The following VAV3 variants were observed in gnomAD, a reference collection of about 807,000 sequenced individuals.
VAV3 encodes vav guanine nucleotide exchange factor 3, also known as guanine nucleotide exchange factor VAV3.
VAV3 carries 94 observed loss-of-function variants against 131.2 expected under a neutral mutation model. The observed-to-expected ratio is 0.72, with a 90% confidence interval of 0.61 to 0.85. VAV3 has a LOEUF of 0.85. Ranked by LOEUF, VAV3 falls within the 40% of genes least tolerant of loss-of-function variation. The pLI, the probability that VAV3 is intolerant of heterozygous loss-of-function variation, is 0.00. For synonymous variants in VAV3, 349 were observed against 342.0 expected (o/e 1.02, Z -0.22); for missense variants, 939 against 1,002.7 (o/e 0.94, Z 0.86).
chr1:107,845,654 C>T (rs536321295), intron 2 of VAV3, among the ~76,000 whole-genome samples: 2 of 152,070 alleles, frequency 1.3e-5, no homozygotes, highest in South Asian at 2.1e-4. Context: ...ATGAAGCATA[C>T]ACAAGTATCA....
At chr1:107,872,585 T>C (rs573668250) in intron 2 of VAV3, among the ~76,000 whole-genome samples, 4 of 152,310 alleles carry the variant, frequency 2.6e-5, no homozygotes, top group African/African-American at 9.6e-5. Context: ...ACTACAAGAA[T>C]TATTTCAGTT....
chr1:107,901,666 T>C lies in VAV3; in HGVS notation c.205-26649A>G, dbSNP rs552263133. On this transcript the variant is annotated intron_variant, in intron 1 of 26. Transcript: ENST00000370056. ...AAAATAAAAATATTTTTCCTTTCAA[T>C]GTACTTGTATTATTTTCTTTCAACC... 3.2e-4 allele frequency among the ~76,000 whole-genome samples: 49 copies of C among 152,322 alleles called. No homozygotes were observed. The South Asian group carries it at 0.01, about 32-fold the overall frequency.
intron 25 of VAV3, chr1:107,576,305 C>T (rs916619562): frequency 1.4e-5 from 15 of 1,101,130 alleles, no homozygotes; most frequent in Admixed American, 9.4e-5. Context: ...GAGATGTATC[C>T]GTATGAGAAG....
intron 25 of VAV3, among the ~76,000 whole-genome samples, chr1:107,594,574 T>C (rs1331566995): frequency 6.6e-6 from 1 of 152,104 alleles, no homozygotes. Context: ...TTCAAAGACA[T>C]TCTACTGGCT....
At chr1:107,779,058 G>C (rs1171899349) in intron 3 of VAV3, among the ~76,000 whole-genome samples, 1 of 151,444 alleles carries the variant, frequency 6.6e-6, no homozygotes, top group Non-Finnish European at 1.5e-5. Flanking sequence ...GAGTTATTAT[G>C]ATCTACTCTA....
At chr1:107,931,788 T>C (rs370319539) in intron 1 of VAV3, among the ~76,000 whole-genome samples, 1 of 152,168 alleles carries the variant, frequency 6.6e-6, no homozygotes, top group Admixed American at 6.5e-5. Flanking sequence ...AGCATTACAC[T>C]ATGGAAGCAG....
intron 22 of VAV3, among the ~76,000 whole-genome samples, chr1:107,609,002 G>T (rs1162250489): frequency 6.6e-6 from 1 of 152,030 alleles, no homozygotes. Flanking sequence ...CTGCATTTTG[G>T]GGGCAGTATA....
chr1:107,681,845 A>G (rs952431331), intron 19 of VAV3, among the ~76,000 whole-genome samples: 17 of 151,886 alleles, frequency 1.1e-4, no homozygotes, highest in South Asian at 4.2e-4. Context: ...TATTTTTAGT[A>G]GAGATGGGGT....
chr1:107,750,590 T>C (rs1319744428), intron 13 of VAV3, among the ~76,000 whole-genome samples: 1 of 152,174 alleles, frequency 6.6e-6, no homozygotes, highest in Non-Finnish European at 1.5e-5. Context: ...CTTTCGCTTC[T>C]CCAAAGATTC....
chr1:107,752,730 C>A (rs1663811800), intron 12 of VAV3, among the ~76,000 whole-genome samples: 1 of 152,100 alleles, frequency 6.6e-6, no homozygotes, highest in Non-Finnish European at 1.5e-5. Context: ...TAAGAAAATG[C>A]AAATCAAACC....
At chr1:107,911,135 C>T (rs183641272) in intron 1 of VAV3, among the ~76,000 whole-genome samples, 14 of 152,264 alleles carry the variant, frequency 9.2e-5, no homozygotes, top group African/African-American at 3.4e-4. Context: ...TCTAATAGCA[C>T]ATAAGGTTAG....
chr1:107,833,424 A>G (rs993943924), intron 2 of VAV3, among the ~76,000 whole-genome samples: 1 of 152,224 alleles, frequency 6.6e-6, no homozygotes, highest in Non-Finnish European at 1.5e-5. Flanking sequence ...TTTAAGAAAG[A>G]AGTCATCTTC....
chr1:107,857,247 C>T (rs1288150693), intron 2 of VAV3, among the ~76,000 whole-genome samples: 3 of 152,130 alleles, frequency 2.0e-5, no homozygotes, highest in Non-Finnish European at 2.9e-5. Flanking sequence ...ACTGGCTTAG[C>T]CTCTTGCCCA....
chr1:107,707,958 C>T (rs762175174), intron 15 of VAV3, among the ~76,000 whole-genome samples: 3 of 152,234 alleles, frequency 2.0e-5, no homozygotes, highest in Non-Finnish European at 2.9e-5. Flanking sequence ...CCAGATACAT[C>T]ACTAGGCTCT....
At chr1:107,754,548 T>C (rs1050632411) in intron 12 of VAV3, among the ~76,000 whole-genome samples, 2 of 152,216 alleles carry the variant, frequency 1.3e-5, no homozygotes, top group African/African-American at 4.8e-5. Context: ...TCACAGGGTC[T>C]TCTTGAAATG....
intron 5 of VAV3, 75 bp from the exon 6 acceptor site, chr1:107,770,803 G>T: frequency 1.6e-6 from 2 of 1,237,256 alleles, no homozygotes; most frequent in Non-Finnish European, 2.3e-6. Flanking sequence ...GAGATCAAAA[G>T]CATTGCTGAC....
chr1:107,658,777 C>T (rs1033963500), intron 19 of VAV3, among the ~76,000 whole-genome samples: 1 of 152,134 alleles, frequency 6.6e-6, no homozygotes, highest in Non-Finnish European at 1.5e-5. Context: ...ATATCCTTCA[C>T]CCACTTTTTG....
At chr1:107,779,391 A>C in intron 3 of VAV3, 43 bp downstream of exon 3, 2 of 1,526,854 alleles carry the variant, frequency 1.3e-6, no homozygotes, top group Non-Finnish European at 1.8e-6. Context: ...GAATCATTAC[A>C]CTGAACTCAA....
intron 1 of VAV3, among the ~76,000 whole-genome samples, chr1:107,953,448 G>A (rs540449770): frequency 6.6e-6 from 1 of 152,168 alleles, no homozygotes; most frequent in Non-Finnish European, 1.5e-5. Context: ...CTTTCCCAGG[G>A]TCAGTGTTGT....
Sources: gnomAD v4.1 joint callset for allele counts (sites outside exome capture counted in the v4.1 genomes callset) on GRCh38, gnomAD v4.1.1 for gene constraint, MANE v1.5 for transcripts, NCBI Gene and HGNC (gene_info 2026-07-23, HGNC 2026-07-21) for gene names.